The following PCDHA7 variants were observed in gnomAD, a reference collection of about 807,000 sequenced individuals.
PCDHA7 encodes the protein protocadherin alpha 7, also known as protocadherin alpha-7.
In PCDHA7, 37 loss-of-function variants were observed where a neutral mutation model predicts 57.2. That is an observed-to-expected ratio of 0.65 (90% CI 0.50 to 0.85). The LOEUF (loss-of-function observed/expected upper bound fraction) is 0.85, where lower values mean the gene tolerates loss of function less well. Ranked by LOEUF, PCDHA7 falls within the 40% of genes least tolerant of loss-of-function variation. The pLI is 0.00. For missense variants in PCDHA7, 1,188 were observed against 1,241.8 expected, an observed-to-expected ratio of 0.96 and a Z score of 0.65; for synonymous variants, 553 against 558.8, an observed-to-expected ratio of 0.99 and a Z score of 0.15.
In PCDHA7 at chr5:140,857,175, A is replaced by T. The variant is rs149086377; in HGVS notation, c.2355+20437A>T. 3 of 1,598,452 alleles carry T rather than the reference A, an allele frequency of 1.9e-6. 1 individual carries two copies. Among genetic ancestry groups the T allele is most frequent in the Non-Finnish European group, 2.6e-6 (3 of 1,167,876 alleles). On this transcript the variant is annotated intron_variant, in intron 1 of 3. Transcript: ENST00000525929. Reference sequence around the variant, plus strand: ...ATTGCCCTAATCAGCGTTTCTGACCATGATTCAGGAGCCAACGGACAGGTC... The same window carrying T: ...ATTGCCCTAATCAGCGTTTCTGACCTTGATTCAGGAGCCAACGGACAGGTC...
Position 140,835,564 on chromosome 5 carries a change from C to T in PCDHA7, c.1181C>T (p.Pro394Leu), listed in dbSNP as rs2150238347. ...ACCTGCTCCCTGACGCCCCGCGTTC[C>T]CTTCAAGTTGGTGTCCACCTTCAAG... is the stretch of plus-strand genomic sequence containing the variant. ...QVTCSLTPRV[P>L]FKLVSTFKNY... Residue 394 changes from proline (P) to leucine (L), a missense_variant, in exon 1 of 4, where the codon CCC becomes CTC. Pro to Leu is a moderately conservative substitution (Grantham distance 98). Around this residue, in one of 3 missense-constraint regions of PCDHA7, gnomAD observed 892 missense variants for 788.5 expected, o/e 1.13. Coordinates refer to ENST00000525929, the MANE Select transcript of PCDHA7 (RefSeq NM_018910.3). 1 of 1,613,820 alleles carries T rather than the reference C, an allele frequency of 6.2e-7. No individual in the cohort carries two copies. Among genetic ancestry groups the T allele is most frequent in the African/African-American group, 1.3e-5 (1 of 74,926 alleles).
At chr5:140,844,198 T>C (rs1163968581) in intron 1 of PCDHA7, among the ~76,000 whole-genome samples, 4 of 149,848 alleles carry the variant, frequency 2.7e-5, no homozygotes, top group South Asian at 4.2e-4. Context: ...TCTGACTTTT[T>C]AGTGTCTGGT....
At chr5:140,857,886 C>T in intron 1 of PCDHA7, 1 of 1,597,776 alleles carries the variant, frequency 6.3e-7, no homozygotes. Context: ...TTGCAGTCGG[C>T]GGCGGTTGGT....
chr5:140,850,154 G>A, intron 1 of PCDHA7: 1 of 1,595,410 alleles, frequency 6.3e-7, no homozygotes, highest in Non-Finnish European at 8.6e-7. Context: ...CGCTGCAGGT[G>A]TTCGTGCTGG....
Position 140,887,082 on chromosome 5 carries a change from CT to C in PCDHA7, c.2355+50345del, listed in dbSNP as rs781992332. On this transcript the variant is annotated intron_variant, in intron 1 of 3. Coordinates refer to ENST00000525929, the MANE Select transcript of PCDHA7 (RefSeq NM_018910.3). Reference sequence around the variant, plus strand: ...GGCAACAAATTCACTCAGCTTTTGTCTGAGAAATATCTTTATCTCTTTTTTT... The same window carrying C: ...GGCAACAAATTCACTCAGCTTTTGTCGAGAAATATCTTTATCTCTTTTTTT... 2.0e-5 allele frequency among the ~76,000 whole-genome samples: 3 copies of C among 151,694 alleles called. No individual in the cohort carries two copies. The East Asian group carries it at 5.8e-4, about 29-fold the overall frequency.
At chr5:140,982,795 AT>A (rs2097005249) in intron 3 of PCDHA7, among the ~76,000 whole-genome samples, 1 of 151,516 alleles carries the variant, frequency 6.6e-6, no homozygotes, top group African/African-American at 2.4e-5. Flanking sequence ...GCATGTGTGC[AT>A]GTGTGTGTGT....
intron 3 of PCDHA7, among the ~76,000 whole-genome samples, chr5:140,994,668 G>A (rs2097644296): frequency 6.6e-6 from 1 of 152,118 alleles, no homozygotes; most frequent in Admixed American, 6.5e-5. Context: ...TCACACTACT[G>A]CACTCCAGCC....
rs552604909 is a variant in PCDHA7, at chr5:141,005,474, C to T, written c.2504-4153C>T. ...ATCCCAGCACTTTGGGAGGCCGAGACGGGCGGATCATGAGGTCAGGAGATC... is the reference window on the plus strand; with the variant it reads ...ATCCCAGCACTTTGGGAGGCCGAGATGGGCGGATCATGAGGTCAGGAGATC... On this transcript the variant is annotated intron_variant, in intron 3 of 3. Coordinates refer to ENST00000525929, the MANE Select transcript of PCDHA7 (RefSeq NM_018910.3). 1.6e-3 allele frequency among the ~76,000 whole-genome samples: 236 copies of T among 151,848 alleles called. 1 individual carries two copies. The highest frequency in any genetic ancestry group is 4.9e-3 in the African/African-American group (204 of 41,424).
chr5:140,904,589 G>A (rs1562945664), intron 1 of PCDHA7, among the ~76,000 whole-genome samples: 1 of 151,976 alleles, frequency 6.6e-6, no homozygotes, highest in Non-Finnish European at 1.5e-5. Flanking sequence ...CCAGTAGTGG[G>A]ACTGCTGGAT....
chr5:140,878,342 CAAT>C (rs1416409658), intron 1 of PCDHA7, among the ~76,000 whole-genome samples: 2 of 152,076 alleles, frequency 1.3e-5, no homozygotes, highest in Non-Finnish European at 2.9e-5. Flanking sequence ...GGTATTATCA[CAAT>C]AATATAAATG....
intron 1 of PCDHA7, chr5:140,877,407 C>A: frequency 6.2e-7 from 1 of 1,613,942 alleles, no homozygotes; most frequent in Non-Finnish European, 8.5e-7. Flanking sequence ...CTCCGCGCCA[C>A]CGCCTGCTGG....
intron 3 of PCDHA7, among the ~76,000 whole-genome samples, chr5:140,987,875 G>A (rs1293461683): frequency 6.6e-6 from 1 of 152,008 alleles, no homozygotes; most frequent in Non-Finnish European, 1.5e-5. Flanking sequence ...GTGGAAAATG[G>A]ACAGTTTATG....
At chr5:140,875,878 A>C (rs782804026) in intron 1 of PCDHA7, 2 of 1,614,212 alleles carry the variant, frequency 1.2e-6, no homozygotes, top group East Asian at 4.5e-5. Context: ...GTTCAGAGAA[A>C]GGGAACAAAA....
chr5:140,986,826 A>G (rs902801115), intron 3 of PCDHA7, among the ~76,000 whole-genome samples: 1 of 152,178 alleles, frequency 6.6e-6, no homozygotes, highest in Non-Finnish European at 1.5e-5. Flanking sequence ...GGTTTAGACA[A>G]TGGTTCTCAA....
intron 1 of PCDHA7, among the ~76,000 whole-genome samples, chr5:140,922,508 C>A (rs2080871857): frequency 6.6e-6 from 1 of 152,090 alleles, no homozygotes; most frequent in African/African-American, 2.4e-5. Flanking sequence ...GCAGATGCAC[C>A]ATTATTTCAA....
intron 1 of PCDHA7, chr5:140,927,409 A>C (rs1554204480): frequency 2.5e-6 from 4 of 1,614,002 alleles, no homozygotes; most frequent in Non-Finnish European, 3.4e-6. Flanking sequence ...TCGCCTGGAC[A>C]TGGGATCGCG....
chr5:140,836,557 C>T lies in PCDHA7; in HGVS notation c.2174C>T (p.Ala725Val), dbSNP rs2150263942. ...LLLYTALRCS[A>V]PSSEGACSLV... is the part of the protein sequence containing the mutation. ...CTGTACACGGCGTTGCGGTGCTCAG[C>T]GCCGTCCTCTGAGGGCGCATGTAGT... Residue 725 changes from alanine to valine, a missense_variant, in exon 1 of 4, where the codon GCG (alanine) becomes GTG (valine). Transcript: ENST00000525929. 1.2e-6 allele frequency: 2 copies of T among 1,613,660 alleles called. No individual in the cohort carries two copies. Among genetic ancestry groups the T allele is most frequent in the Non-Finnish European group, 1.7e-6 (2 of 1,179,850 alleles).
rs373518493 is a variant in PCDHA7, at chr5:140,883,950, A to T, written c.2355+47212A>T. 129 of 1,613,288 alleles carry T rather than the reference A, an allele frequency of 8.0e-5. 1 individual carries two copies. In the East Asian group the frequency reaches 1.2e-3, roughly 15 times the overall value. Reference sequence around the variant, plus strand: ...GTGTTCGTGCTGGACGAGAACGACAACGCTCCGGCGCTGCTGACGCCCGGG... The same window carrying T: ...GTGTTCGTGCTGGACGAGAACGACATCGCTCCGGCGCTGCTGACGCCCGGG... On this transcript the variant is annotated intron_variant, in intron 1 of 3. Coordinates refer to ENST00000525929, the MANE Select transcript of PCDHA7 (RefSeq NM_018910.3).
chr5:140,841,886 A>G, intron 1 of PCDHA7: 1 of 1,613,832 alleles, frequency 6.2e-7, no homozygotes, highest in South Asian at 1.1e-5. Context: ...GAACGATGAG[A>G]ATAAACTGGT....
Sources: allele counts gnomAD v4.1 joint callset (sites outside exome capture counted in the v4.1 genomes callset), GRCh38; gene constraint gnomAD v4.1.1; regional missense constraint gnomAD v4.1.1; transcripts MANE v1.5; gene names NCBI Gene and HGNC (gene_info 2026-07-23, HGNC 2026-07-21).